The following REV3L variants were observed in gnomAD, a reference collection of about 807,000 sequenced individuals.
REV3L encodes REV3 like, DNA directed polymerase zeta catalytic subunit.
In REV3L, 69 loss-of-function variants were observed where a neutral mutation model predicts 299.4. That is an observed-to-expected ratio of 0.23 (90% CI 0.19 to 0.28). The LOEUF (loss-of-function observed/expected upper bound fraction) is 0.28. Ranked by LOEUF, REV3L falls within the 10% of genes least tolerant of loss-of-function variation. The pLI is 1.00. For missense variants in REV3L, 3,128 were observed against 3,693.8 expected, an observed-to-expected ratio of 0.85 and a Z score of 3.97; for synonymous variants, 1,238 against 1,271.4, an observed-to-expected ratio of 0.97 and a Z score of 0.56.
At chr6:111,470,216 G>C (rs566119898) in intron 1 of REV3L, among the ~76,000 whole-genome samples, 1 of 148,756 alleles carries the variant, frequency 6.7e-6, no homozygotes, top group Non-Finnish European at 1.5e-5. Flanking sequence ...ACACACAAAT[G>C]TGAATAAGAA....
chr6:111,416,416 C>T lies in REV3L; in HGVS notation c.196G>A (p.Asp66Asn). 4 of 1,613,716 alleles carry T rather than the reference C, an allele frequency of 2.5e-6. No homozygotes were observed. Among genetic ancestry groups the T allele is most frequent in the Non-Finnish European group, 3.4e-6 (4 of 1,179,748 alleles). ...CTTTCTGGCTGCTGTCCATAACCATCGTATGGCACATAGAGGTAAGGAAAG... is the reference window on the plus strand; with the variant it reads ...CTTTCTGGCTGCTGTCCATAACCATTGTATGGCACATAGAGGTAAGGAAAG... ...GIFPYLYVPY[D>N]GYGQQPESYL... Residue 66 changes from aspartate (D) to asparagine (N), a missense_variant, in exon 2 of 32, where the codon GAT (aspartate) becomes AAT (asparagine). Asp to Asn is a conservative substitution (Grantham distance 23, BLOSUM62 1). Transcript: ENST00000368802.
intron 1 of REV3L, among the ~76,000 whole-genome samples, chr6:111,462,451 A>C (rs1483421594): frequency 6.6e-6 from 1 of 152,150 alleles, no homozygotes; most frequent in African/African-American, 2.4e-5. Context: ...TTCAAAATAC[A>C]TGAAAAAAAA....
intron 13 of REV3L, 81 bp from the exon 14 acceptor site, chr6:111,368,109 T>A: frequency 7.9e-7 from 1 of 1,259,618 alleles, no homozygotes; most frequent in African/African-American, 1.5e-5. Flanking sequence ...CTAGATAAAG[T>A]CCCTTTTGGA....
chr6:111,376,225 A>T lies in REV3L; in HGVS notation c.2130T>A (p.Ser710=). The T allele has an allele frequency of 6.2e-7, 1 of 1,613,690 alleles. No individual in the cohort carries two copies. The highest frequency in any genetic ancestry group is 8.5e-7 in the Non-Finnish European group (1 of 1,179,910). ...NTLGKNSFNF[S]DLNHSKNKVS... ...CTTTATTTTTTGAATGATTTAAGTC[A>T]GAAAAGTTGAAAGAATTTTTGCCCA... is the stretch of plus-strand genomic sequence containing the variant. Residue 710 remains serine (S), a synonymous_variant, in exon 13 of 32, where the codon TCT becomes TCA. Transcript: ENST00000368802.
intron 20 of REV3L, among the ~76,000 whole-genome samples, chr6:111,344,849 C>A (rs1407206853): frequency 6.6e-6 from 1 of 152,226 alleles, no homozygotes; most frequent in Non-Finnish European, 1.5e-5. Flanking sequence ...AAATTACTTT[C>A]TTTTCCACTC....
intron 25 of REV3L, among the ~76,000 whole-genome samples, chr6:111,326,219 T>C (rs1774788078): frequency 6.6e-6 from 1 of 152,162 alleles, no homozygotes; most frequent in Non-Finnish European, 1.5e-5. Flanking sequence ...GGAGAAATTA[T>C]TTGCAAACTA....
At chr6:111,430,497 T>C (rs1786772224) in intron 1 of REV3L, 9 of 1,549,722 alleles carry the variant, frequency 5.8e-6, no homozygotes, top group Admixed American at 5.0e-5. Flanking sequence ...AAAGAAGCGG[T>C]TGCACTCGGG....
intron 25 of REV3L, among the ~76,000 whole-genome samples, chr6:111,328,968 T>C (rs1775107611): frequency 6.6e-6 from 1 of 152,176 alleles, no homozygotes; most frequent in Non-Finnish European, 1.5e-5. Flanking sequence ...GATTTCACCA[T>C]GTTGCCCAGG....
At chr6:111,466,643 C>T (rs989335826) in intron 1 of REV3L, among the ~76,000 whole-genome samples, 2 of 152,140 alleles carry the variant, frequency 1.3e-5, no homozygotes, top group Non-Finnish European at 2.9e-5. Flanking sequence ...TCAAGACCAG[C>T]CTGGCCAACA....
intron 25 of REV3L, 73 bp from the exon 26 acceptor site, chr6:111,322,751 T>C: frequency 1.0e-6 from 1 of 954,088 alleles, no homozygotes; most frequent in Non-Finnish European, 1.6e-6. Context: ...TAACATATAA[T>C]ACATTTAATT....
chr6:111,470,778 G>A (rs1319847390), intron 1 of REV3L, among the ~76,000 whole-genome samples: 1 of 152,096 alleles, frequency 6.6e-6, no homozygotes, highest in African/African-American at 2.4e-5. Context: ...TCAGGAGTTC[G>A]AAACCAGCCT....
At chr6:111,400,095 T>C (rs1782935158) in intron 4 of REV3L, among the ~76,000 whole-genome samples, 1 of 152,228 alleles carries the variant, frequency 6.6e-6, no homozygotes, top group Admixed American at 6.5e-5. Flanking sequence ...AATCAATTGT[T>C]TGTTCCTTTT....
At position 111,375,113 on chromosome 6, in the gene REV3L, G is replaced by A. The variant is rs1780170195; in HGVS notation, c.3242C>T (p.Ser1081Leu). Residue 1081 changes from serine (S) to leucine (L), a missense_variant, in exon 13 of 32, where the codon TCA becomes TTA. Ser to Leu is a moderately radical substitution (Grantham distance 145). This residue lies in a region of REV3L where 2,409 missense variants were observed against 2,611.8 expected (regional missense o/e 0.92). Transcript: ENST00000368802. ...KRTLSFRKKRSHAILSPPSPS... is the reference protein window; with the variant it reads ...KRTLSFRKKRLHAILSPPSPS... ...TGAGGGAGGAGAAAGAATAGCATGT[G>A]ACCGTTTTTTCCTGAAAGACAAAGT... is the stretch of plus-strand genomic sequence containing the variant. The A allele has an allele frequency of 6.2e-7, 1 of 1,610,686 alleles. No homozygotes were observed. Among genetic ancestry groups the A allele is most frequent in the South Asian group, 1.1e-5 (1 of 89,858 alleles).
intron 1 of REV3L, among the ~76,000 whole-genome samples, chr6:111,437,474 G>A (rs1057075640): frequency 5.3e-5 from 8 of 151,268 alleles, no homozygotes; most frequent in East Asian, 1.9e-4. Context: ...ATTAAAAATT[G>A]TATACTAAAA....
At chr6:111,301,059 G>A (rs530139396) in intron 31 of REV3L, among the ~76,000 whole-genome samples, 3 of 152,164 alleles carry the variant, frequency 2.0e-5, no homozygotes, top group Non-Finnish European at 2.9e-5. Flanking sequence ...GAAAACGAAT[G>A]CATTCTCAGG....
intron 4 of REV3L, among the ~76,000 whole-genome samples, chr6:111,400,648 C>T (rs1782993798): frequency 6.6e-6 from 1 of 152,130 alleles, no homozygotes; most frequent in Admixed American, 6.6e-5. Flanking sequence ...AACATTTTCT[C>T]CCAGTCCATG....
intron 1 of REV3L, among the ~76,000 whole-genome samples, chr6:111,428,101 G>T (rs1786405775): frequency 6.7e-6 from 1 of 149,950 alleles, no homozygotes. Context: ...ACCAAAACAA[G>T]CCAGATAGAG....
intron 5 of REV3L, among the ~76,000 whole-genome samples, chr6:111,391,369 GA>G (rs1161522989): frequency 6.6e-6 from 1 of 152,030 alleles, no homozygotes. Flanking sequence ...CCCTGGCCTT[GA>G]AACACTTTTT....
chr6:111,322,751 TAC>T, intron 25 of REV3L, 73 bp from the exon 26 acceptor site: 2 of 954,088 alleles, frequency 2.1e-6, no homozygotes, highest in Non-Finnish European at 3.2e-6. Flanking sequence ...TAACATATAA[TAC>T]ATTTAATTAC....
Sources: gnomAD v4.1 joint callset for allele counts (sites outside exome capture counted in the v4.1 genomes callset) on GRCh38, gnomAD v4.1.1 for gene constraint, gnomAD v4.1.1 regional missense constraint, MANE v1.5 for transcripts, NCBI Gene and HGNC (gene_info 2026-07-23, HGNC 2026-07-21) for gene names.